SHCBP1L: variants seen among roughly 807,000 people sequenced by gnomAD.
SHCBP1L encodes the protein testicular spindle-associated protein SHCBP1L.
In SHCBP1L, 67 loss-of-function variants were observed where a neutral mutation model predicts 62.5. The ratio of observed to expected loss-of-function variants is 1.07; its 90% CI spans 0.88 to 1.31. The LOEUF is 1.31. Among genes scored for constraint, SHCBP1L ranks in the 40% most tolerant of loss-of-function variants. The pLI, the probability that SHCBP1L is intolerant of heterozygous loss-of-function variation, is 0.00. For synonymous variants in SHCBP1L, 284 were observed against 289.4 expected, an observed-to-expected ratio of 0.98 and a Z score of 0.19; for missense variants, 823 against 809.8, an observed-to-expected ratio of 1.02 and a Z score of -0.20.
intron 5 of SHCBP1L, among the ~76,000 whole-genome samples, chr1:182,930,559 A>ATATATATATATG (rs1650941224): frequency 2.8e-5 from 1 of 35,176 alleles, no homozygotes; most frequent in Non-Finnish European, 4.3e-5. Flanking sequence ...GTGTATATAT[A>ATATATATATATG]TATATATATA....
intron 2 of SHCBP1L, among the ~76,000 whole-genome samples, chr1:182,941,026 G>T (rs371301703): frequency 9.4e-4 from 143 of 151,872 alleles, no homozygotes; most frequent in African/African-American, 3.2e-3. Context: ...TAATATTATC[G>T]AAAAATTTTT....
chr1:182,952,992 G>A lies in SHCBP1L; in HGVS notation c.142C>T (p.Arg48Trp). ...GGGCGAGGGGAGGCCACCACCGACCGCACTGGGATCGCGGTGCCCTTCAGG... is the reference window on the plus strand; with the variant it reads ...GGGCGAGGGGAGGCCACCACCGACCACACTGGGATCGCGGTGCCCTTCAGG... ...TTLKGTAIPV[R>W]SVVASPRPVK... The change falls in exon 1 of 10, where the codon CGG becomes TGG. Residue 48 changes from arginine to tryptophan, a missense_variant. Physicochemically the swap from Arg to Trp is moderately radical, Grantham distance 101. Coordinates refer to ENST00000367547, the MANE Select transcript of SHCBP1L (RefSeq NM_030933.4). The A allele has an allele frequency of 3.9e-6, 6 of 1,543,352 alleles. No homozygotes were observed. Among genetic ancestry groups the A allele is most frequent in the Non-Finnish European group, 3.5e-6 (4 of 1,147,972 alleles).
chr1:182,933,569 G>A (rs1651076594), intron 5 of SHCBP1L, among the ~76,000 whole-genome samples: 1 of 151,936 alleles, frequency 6.6e-6, no homozygotes, highest in Non-Finnish European at 1.5e-5. Flanking sequence ...TTTGTCATAT[G>A]ATTTTTCTGT....
intron 6 of SHCBP1L, among the ~76,000 whole-genome samples, chr1:182,917,314 C>A (rs1650384945): frequency 1.3e-5 from 2 of 152,062 alleles, no homozygotes; most frequent in South Asian, 4.1e-4. Context: ...ATTTAATATA[C>A]AAAAATCAAT....
At chr1:182,932,699 T>TGG (rs1651047192) in intron 5 of SHCBP1L, among the ~76,000 whole-genome samples, 2 of 152,288 alleles carry the variant, frequency 1.3e-5, no homozygotes, top group African/African-American at 2.4e-5. Context: ...TTTGCCATAC[T>TGG]GGCCAGGCTT....
chr1:182,949,876 A>G (rs567366154), intron 2 of SHCBP1L, among the ~76,000 whole-genome samples: 55 of 139,294 alleles, frequency 3.9e-4, no homozygotes, highest in African/African-American at 1.5e-3. Flanking sequence ...ACCCAGGCTC[A>G]CTGCAACCTC....
chr1:182,924,970 G>GAAAGAA (rs1553245996), intron 6 of SHCBP1L, among the ~76,000 whole-genome samples: 2 of 115,342 alleles, frequency 1.7e-5, no homozygotes, highest in Non-Finnish European at 3.3e-5. Flanking sequence ...AAGAAAGAAA[G>GAAAGAA]AAAGAAAAAA....
chr1:182,913,979 C>A (rs1571340352), intron 6 of SHCBP1L, among the ~76,000 whole-genome samples: 1 of 152,130 alleles, frequency 6.6e-6, no homozygotes, highest in East Asian at 1.9e-4. Flanking sequence ...AAAACTCCAT[C>A]TCAAAAAATA....
At chr1:182,942,806 C>CA (rs1651416559) in intron 2 of SHCBP1L, among the ~76,000 whole-genome samples, 1 of 152,118 alleles carries the variant, frequency 6.6e-6, no homozygotes, top group South Asian at 2.1e-4. Context: ...AGTTATGTCA[C>CA]AAAAAATATT....
At chr1:182,917,023 T>C (rs1650377049) in intron 6 of SHCBP1L, among the ~76,000 whole-genome samples, 1 of 152,066 alleles carries the variant, frequency 6.6e-6, no homozygotes, top group Non-Finnish European at 1.5e-5. Context: ...AATCTTCACG[T>C]GTACCCCCAA....
chr1:182,930,549 GTGTATATA>G (rs1256957354), intron 5 of SHCBP1L, among the ~76,000 whole-genome samples: 8 of 48,840 alleles, frequency 1.6e-4, no homozygotes, highest in African/African-American at 1.3e-3. Flanking sequence ...TTTAGTGTGT[GTGTATATA>G]TATATATATA....
intron 6 of SHCBP1L, among the ~76,000 whole-genome samples, chr1:182,914,168 T>C: frequency 6.6e-6 from 1 of 152,126 alleles, no homozygotes; most frequent in East Asian, 1.9e-4. Context: ...AAAAATTCTA[T>C]ATCTAGAAAA....
chr1:182,952,691 G>A, intron 1 of SHCBP1L, 38 bp downstream of exon 1: 1 of 1,554,548 alleles, frequency 6.4e-7, no homozygotes, highest in African/African-American at 1.4e-5. Context: ...GTTCCGACGA[G>A]CTTCCGACCG....
chr1:182,948,206 A>C (rs1036434070), intron 2 of SHCBP1L, among the ~76,000 whole-genome samples: 3 of 152,090 alleles, frequency 2.0e-5, no homozygotes, highest in Non-Finnish European at 4.4e-5. Context: ...CTATGTTTCT[A>C]AGTTTTTTGT....
At chr1:182,941,253 CAA>C (rs368017905) in intron 2 of SHCBP1L, among the ~76,000 whole-genome samples, 1,176 of 57,440 alleles carry the variant, frequency 0.02, 12 homozygotes, top group African/African-American at 0.054. Flanking sequence ...ACTCAAACAC[CAA>C]AAAAAAAAAA....
intron 6 of SHCBP1L, among the ~76,000 whole-genome samples, chr1:182,926,611 A>T (rs1428023762): frequency 6.6e-6 from 1 of 152,164 alleles, no homozygotes; most frequent in Non-Finnish European, 1.5e-5. Context: ...CAAAACTGTG[A>T]ATCAAATCCA....
At chr1:182,920,428 C>G (rs1244178866) in intron 6 of SHCBP1L, among the ~76,000 whole-genome samples, 1 of 152,158 alleles carries the variant, frequency 6.6e-6, no homozygotes, top group African/African-American at 2.4e-5. Flanking sequence ...AAAACCCCAT[C>G]CAAAGGACAT....
chr1:182,945,850 G>A (rs569726135), intron 2 of SHCBP1L, among the ~76,000 whole-genome samples: 9 of 152,044 alleles, frequency 5.9e-5, no homozygotes, highest in Admixed American at 2.0e-4. Flanking sequence ...TCTTGAGGCC[G>A]GGAGTTCCAG....
intron 1 of SHCBP1L, chr1:182,952,517 C>A (rs1651811115): frequency 1.9e-6 from 1 of 530,866 alleles, no homozygotes; most frequent in South Asian, 3.8e-5. Context: ...CGAATTTTGT[C>A]GGAAACTCGA....
Sources: gnomAD v4.1 joint callset for allele counts (sites outside exome capture counted in the v4.1 genomes callset) on GRCh38, gnomAD v4.1.1 for gene constraint, MANE v1.5 for transcripts, NCBI Gene and HGNC (gene_info 2026-07-23, HGNC 2026-07-21) for gene names.